Variants in SUGCT observed in about 807,000 individuals in gnomAD.
SUGCT encodes the protein succinyl-CoA:glutarate CoA-transferase.
A neutral mutation model predicts 55.0 loss-of-function variants in SUGCT; 41 were observed. That is an observed-to-expected ratio of 0.74 (90% CI 0.58 to 0.97). The LOEUF (loss-of-function observed/expected upper bound fraction) is 0.97. Among genes scored for constraint, SUGCT ranks in the 50% least tolerant of loss-of-function variants. The pLI is 0.00. For synonymous variants in SUGCT, 187 were observed against 200.4 expected (o/e 0.93, Z 0.56); for missense variants, 568 against 547.8 (o/e 1.04, Z -0.37).
intron 9 of SUGCT, among the ~76,000 whole-genome samples, chr7:40,366,905 C>G (rs565831672): frequency 6.6e-6 from 1 of 152,228 alleles, no homozygotes; most frequent in East Asian, 1.9e-4. Context: ...CCCAGCCATC[C>G]CATTACTGGG....
intron 9 of SUGCT, among the ~76,000 whole-genome samples, chr7:40,402,596 G>A (rs960406836): frequency 4.0e-5 from 6 of 148,888 alleles, no homozygotes; most frequent in African/African-American, 9.9e-5. Flanking sequence ...TTTTTTTTCT[G>A]TTCTTTCTTA....
intron 7 of SUGCT, among the ~76,000 whole-genome samples, chr7:40,246,198 T>C (rs1233774674): frequency 3.3e-5 from 5 of 152,168 alleles, no homozygotes; most frequent in African/African-American, 1.2e-4. Flanking sequence ...TATTTTTGAC[T>C]TCTGATACTA....
intron 6 of SUGCT, among the ~76,000 whole-genome samples, chr7:40,214,472 C>A (rs941710909): frequency 6.6e-6 from 1 of 152,158 alleles, no homozygotes; most frequent in African/African-American, 2.4e-5. Flanking sequence ...GAGGTTATGT[C>A]ACTTGTCCAG....
chr7:40,743,631 G>A lies in SUGCT; in HGVS notation c.1090-5803G>A, dbSNP rs115372186. On this transcript the variant is annotated intron_variant, in intron 12 of 13. Transcript: ENST00000335693. ...GCACTTAACAATGCCTGGCACATTA[G>A]TATGTATTTAATGCTTATTATTAAT... 8.1e-4 allele frequency among the ~76,000 whole-genome samples: 124 copies of A among 152,272 alleles called. 1 individual carries two copies. Among genetic ancestry groups the A allele is most frequent in the African/African-American group, 2.9e-3 (121 of 41,562 alleles).
chr7:40,343,409 T>C (rs1256464219), intron 9 of SUGCT, among the ~76,000 whole-genome samples: 1 of 152,176 alleles, frequency 6.6e-6, no homozygotes, highest in Non-Finnish European at 1.5e-5. Flanking sequence ...ACGCAGGTCT[T>C]TGTAAGGCTG....
At chr7:40,220,686 A>C (rs183188387) in intron 6 of SUGCT, among the ~76,000 whole-genome samples, 1 of 152,212 alleles carries the variant, frequency 6.6e-6, no homozygotes, top group Non-Finnish European at 1.5e-5. Flanking sequence ...AAATACATAG[A>C]TATATCCCTT....
At chr7:40,843,457 C>A (rs1226489208) in intron 13 of SUGCT, among the ~76,000 whole-genome samples, 2 of 149,334 alleles carry the variant, frequency 1.3e-5, no homozygotes, top group African/African-American at 4.9e-5. Context: ...TTGCAATGAG[C>A]TGAGATCACG....
chr7:40,743,110 C>T (rs1051700927), intron 12 of SUGCT, among the ~76,000 whole-genome samples: 3 of 152,148 alleles, frequency 2.0e-5, no homozygotes, highest in South Asian at 4.1e-4. Context: ...CAGAGCTTCT[C>T]GGCATGGCCT....
At chr7:40,222,569 T>C (rs543213972) in intron 6 of SUGCT, among the ~76,000 whole-genome samples, 4 of 152,308 alleles carry the variant, frequency 2.6e-5, no homozygotes, top group African/African-American at 9.6e-5. Context: ...ATTAGTGGAA[T>C]AGACTGGGCG....
chr7:40,458,150 G>C (rs1789587461), intron 10 of SUGCT, among the ~76,000 whole-genome samples: 1 of 152,182 alleles, frequency 6.6e-6, no homozygotes, highest in Non-Finnish European at 1.5e-5. Context: ...TATTTAAACT[G>C]TGGCAAATAA....
At chr7:40,658,779 C>T (rs1584225304) in intron 12 of SUGCT, among the ~76,000 whole-genome samples, 1 of 152,224 alleles carries the variant, frequency 6.6e-6, no homozygotes, top group Non-Finnish European at 1.5e-5. Context: ...TAAAATCCCA[C>T]ACCCCTCACA....
At position 40,567,557 on chromosome 7, in the gene SUGCT, A is replaced by G. The variant is rs114017342; in HGVS notation, c.1089+71171A>G. Among the ~76,000 whole-genome samples the G allele has an allele frequency of 3.8e-3, 580 of 152,266 alleles. 5 individuals carry two copies. The highest frequency in any genetic ancestry group is 0.013 in the African/African-American group (526 of 41,546). ...TTCTTCTAGCACTCTGGGCATTTCA[A>G]TGTGGACCTCATCCTTCCTCCTCTC... On this transcript the variant is annotated intron_variant, in intron 12 of 13. Coordinates refer to ENST00000335693, the MANE Select transcript of SUGCT (RefSeq NM_001193313.2).
chr7:40,402,998 G>A (rs189353427), intron 9 of SUGCT, among the ~76,000 whole-genome samples: 2 of 152,234 alleles, frequency 1.3e-5, no homozygotes, highest in Admixed American at 6.5e-5. Flanking sequence ...GGCAGCCCAC[G>A]GCATGATTAT....
At chr7:40,188,452 A>C (rs564584016) in intron 3 of SUGCT, 43 bp from the exon 4 acceptor site, 455 of 1,350,840 alleles carry the variant, frequency 3.4e-4, no homozygotes, top group Non-Finnish European at 3.9e-4. Flanking sequence ...AAAAAAAAAA[A>C]AAACAAACCC....
chr7:40,550,184 G>A (rs189880459), intron 12 of SUGCT, among the ~76,000 whole-genome samples: 5 of 152,204 alleles, frequency 3.3e-5, no homozygotes, highest in African/African-American at 7.2e-5. Context: ...TCTACTACCC[G>A]ATTAAGAAAT....
At chr7:40,936,895 T>C in the SUGCT span, among the ~76,000 whole-genome samples, 1 of 152,174 alleles carries the variant, frequency 6.6e-6, no homozygotes, top group African/African-American at 2.4e-5. Context: ...TTTCCACATA[T>C]ATAAAAATTT....
chr7:40,779,482 G>T (rs765630113), intron 13 of SUGCT, among the ~76,000 whole-genome samples: 3 of 152,104 alleles, frequency 2.0e-5, no homozygotes, highest in African/African-American at 7.2e-5. Flanking sequence ...TTGATGCGGG[G>T]TCAGCACAAA....
At chr7:40,922,089 T>G in the SUGCT span, among the ~76,000 whole-genome samples, 1 of 152,204 alleles carries the variant, frequency 6.6e-6, no homozygotes, top group Non-Finnish European at 1.5e-5. Flanking sequence ...CCCTGGATTG[T>G]TTCCATGGTT....
intron 2 of SUGCT, among the ~76,000 whole-genome samples, chr7:40,181,662 C>T (rs1193827961): frequency 6.6e-6 from 1 of 151,300 alleles, no homozygotes; most frequent in Admixed American, 6.6e-5. Flanking sequence ...AGGTGAATGG[C>T]ATGAACCCAG....
Sources: gnomAD v4.1 joint callset for allele counts (sites outside exome capture counted in the v4.1 genomes callset) on GRCh38, gnomAD v4.1.1 for gene constraint, MANE v1.5 for transcripts, NCBI Gene and HGNC (gene_info 2026-07-23, HGNC 2026-07-21) for gene names.